MARF1: variants seen among roughly 807,000 people sequenced by gnomAD.
MARF1 encodes the protein meiosis regulator and mRNA stability factor 1, also known as limkain-b1.
Under a neutral mutation model 168.2 loss-of-function variants are expected in MARF1, and 24 were observed. That is an observed-to-expected ratio of 0.14 (90% CI 0.10 to 0.20). The LOEUF is 0.20. Among genes scored for constraint, MARF1 ranks in the 10% least tolerant of loss-of-function variants. The probability of loss-of-function intolerance (pLI) is 1.00; values close to 1 mark genes in which losing one functional copy is unlikely to be tolerated. For synonymous variants in MARF1, 868 were observed against 822.4 expected (o/e 1.06, Z -0.95); for missense variants, 1,744 against 2,143.6 (o/e 0.81, Z 3.68).
In MARF1 at chr16:15,621,566, A is replaced by G. The variant is rs1161243121; in HGVS notation, c.2639+167T>C. On this transcript the variant is annotated intron_variant, in intron 12 of 26. Transcript: ENST00000396368. ...TCCAGCTTTGATTAATGACTTAGAC[A>G]AGAGTCAAATGGCTTGTTTCTAACT... 8.7e-6 allele frequency: 6 copies of G among 691,998 alleles called. No individual in the cohort carries two copies. The East Asian group carries it at 1.7e-4, about 20-fold the overall frequency. The allele number at this position is 691,998 out of a possible 1,614,324, so 42.9% of individuals were successfully genotyped here.
intron 7 of MARF1, among the ~76,000 whole-genome samples, chr16:15,627,840 C>T (rs1222352657): frequency 6.6e-6 from 1 of 152,150 alleles, no homozygotes; most frequent in Non-Finnish European, 1.5e-5. Flanking sequence ...TAAGATGATG[C>T]TGTTTTTCAC....
intron 1 of MARF1, among the ~76,000 whole-genome samples, chr16:15,642,262 T>A (rs1298013734): frequency 6.6e-6 from 1 of 152,152 alleles, no homozygotes; most frequent in Non-Finnish European, 1.5e-5. Context: ...TTAGCTTATT[T>A]TATTATCTTT....
At chr16:15,630,628 C>T (rs138276384) in intron 6 of MARF1, 124 bp from the exon 7 acceptor site, 1 of 797,874 alleles carries the variant, frequency 1.3e-6, no homozygotes, top group Non-Finnish European at 1.8e-6. Context: ...AATTGCTTCC[C>T]CCGTTTCTTA....
At position 15,634,679 on chromosome 16, in the gene MARF1, A is replaced by AG. The variant is rs2035469397; in HGVS notation, c.1006+77dup. The AG allele has an allele frequency of 2.9e-6, 4 of 1,370,712 alleles. No homozygotes were observed. In the African/African-American group the frequency reaches 5.7e-5, roughly 20 times the overall value. The allele number at this position is 1,370,712 out of a possible 1,614,324, so 84.9% of individuals were successfully genotyped here. A position where few individuals can be genotyped will look rare whatever the true frequency, so the allele number is the denominator to read the frequency against. On this transcript the variant is annotated intron_variant, in intron 4 of 26. Transcript: ENST00000396368. ...TTTAGAACCATAAGGAATCCTTCAAAGGTGATTAAATGCAATGTTAGTATG... is the reference window on the plus strand; with the variant it reads ...TTTAGAACCATAAGGAATCCTTCAAAGGGTGATTAAATGCAATGTTAGTATG...
chr16:15,597,680 G>A (rs1394528385), intron 26 of MARF1, among the ~76,000 whole-genome samples: 1 of 152,084 alleles, frequency 6.6e-6, no homozygotes, highest in Non-Finnish European at 1.5e-5. Flanking sequence ...TCCCTGCCTA[G>A]GCTGACCCTC....
chr16:15,600,787 C>A (rs1183319871), intron 23 of MARF1, 86 bp from the exon 24 acceptor site: 3 of 1,405,148 alleles, frequency 2.1e-6, no homozygotes, highest in Non-Finnish European at 3.0e-6. Context: ...ACCTACGGAG[C>A]CTGCCTTAGG....
rs1456458541 is a variant in MARF1 at position 15,639,254 on chromosome 16, A to C, written c.-21T>G. 2 of 1,602,504 alleles carry C rather than the reference A, an allele frequency of 1.2e-6. No homozygotes were observed. Among genetic ancestry groups the C allele is most frequent in the South Asian group, 2.2e-5 (2 of 89,596 alleles). On this transcript the variant is annotated 5_prime_UTR_variant, in exon 2 of 27. The change abolishes the stop of an existing upstream ORF in the 5' untranslated region. Transcript: ENST00000396368. The stretch of plus-strand genomic sequence containing the variant: ...ATCATACAGCCATGCAAAGTGATTC[A>C]ACATCCTTTCATCTTTCTTTTCTTT...
At position 15,604,235 on chromosome 16, in the gene MARF1, A is replaced by C; in HGVS notation, c.4346T>G (p.Leu1449Arg). The C allele has an allele frequency of 6.2e-7, 1 of 1,614,180 alleles. No homozygotes were observed. The highest frequency in any genetic ancestry group is 8.5e-7 in the Non-Finnish European group (1 of 1,180,016). ...RHYESTHNTP[L>R]NPCEYGFMTL... is the part of the protein sequence containing the mutation. ...CATGAATCCATATTCACAGGGGTTA[A>C]GGGGAGTGTTGTGGGTACTTTCGTA... is the stretch of plus-strand genomic sequence containing the variant. The change falls in exon 22 of 27, where the codon CTT becomes CGT. Residue 1449 changes from leucine (L) to arginine (R), a missense_variant. Transcript: ENST00000396368.
chr16:15,624,507 G>A (rs922052903), intron 10 of MARF1, among the ~76,000 whole-genome samples: 2 of 152,138 alleles, frequency 1.3e-5, no homozygotes, highest in Non-Finnish European at 2.9e-5. Context: ...ATGCCCCCCT[G>A]CACTGGCCAG....
chr16:15,611,851 G>T, intron 17 of MARF1, 117 bp from the exon 18 acceptor site: 1 of 783,662 alleles, frequency 1.3e-6, no homozygotes, highest in Non-Finnish European at 2.0e-6. Context: ...TGTAGAATGT[G>T]TGCAATTTGA....
chr16:15,635,409 CTT>C lies in MARF1; in HGVS notation c.831+245_831+246del, dbSNP rs377624597. 5.1e-4 allele frequency: 262 copies of C among 512,618 alleles called. 2 individuals are homozygous for C. The highest frequency in any genetic ancestry group is 2.4e-3 in the South Asian group (71 of 29,338). 31.8% of individuals were successfully genotyped at this position (512,618 alleles called of 1,614,324 possible). A position where few individuals can be genotyped will look rare whatever the true frequency, so the allele number is the denominator to read the frequency against. On this transcript the variant is annotated intron_variant, in intron 3 of 26. Coordinates refer to ENST00000396368, the MANE Select transcript of MARF1 (RefSeq NM_014647.4). ...TAGAACACGAAGGCTTTGCCAACCTCTTGTTTGCAACAAGAGGCTCTAAAAGT... is the reference window on the plus strand; with the variant it reads ...TAGAACACGAAGGCTTTGCCAACCTCGTTTGCAACAAGAGGCTCTAAAAGT...
chr16:15,633,725 T>C lies in MARF1; in HGVS notation c.1125A>G (p.Gln375=), dbSNP rs746651612. Residue 375 remains glutamine, a synonymous_variant, in exon 5 of 27, where the codon CAA becomes CAG. Coordinates refer to ENST00000396368, the MANE Select transcript of MARF1 (RefSeq NM_014647.4). ...PSGRSATAVV[Q]RIREKFFKGH... ...CTTTAAAAAACTTCTCACGGATTCT[T>C]TGCACAACAGCAGTTGCTGACCGGC... 3.0e-5 allele frequency: 49 copies of C among 1,614,020 alleles called. No individual in the cohort carries two copies. The highest frequency in any genetic ancestry group is 3.3e-4 in the Middle Eastern group (2 of 6,084).
intron 3 of MARF1, 55 bp from the exon 4 acceptor site, chr16:15,634,986 C>A: frequency 6.6e-7 from 1 of 1,517,074 alleles, no homozygotes; most frequent in Non-Finnish European, 9.1e-7. Context: ...ATTTCAGAAG[C>A]TGGAGTTATA....
chr16:15,608,869 T>C, intron 20 of MARF1: 1 of 274,180 alleles, frequency 3.6e-6, no homozygotes, highest in South Asian at 6.3e-5. Flanking sequence ...AGCTTAGCAC[T>C]GATGTTACCT....
chr16:15,604,490 C>A, intron 21 of MARF1, 92 bp from the exon 22 acceptor site: 3 of 784,548 alleles, frequency 3.8e-6, no homozygotes, highest in Non-Finnish European at 6.3e-6. Flanking sequence ...GTTAATGAGA[C>A]CAACAGATGA....
At chr16:15,614,356 G>A (rs528759699) in intron 16 of MARF1, among the ~76,000 whole-genome samples, 20 of 150,024 alleles carry the variant, frequency 1.3e-4, no homozygotes, top group African/African-American at 3.4e-4. Flanking sequence ...GGTGGCAGGC[G>A]TCTGTAGTCC....
intron 15 of MARF1, among the ~76,000 whole-genome samples, chr16:15,616,506 G>A (rs2034056180): frequency 6.6e-6 from 1 of 152,114 alleles, no homozygotes; most frequent in African/African-American, 2.4e-5. Context: ...CCCTCCTCAC[G>A]TTTACGTTTC....
In MARF1 at chr16:15,600,485, G is replaced by A. The variant is rs1405553602; in HGVS notation, c.4756C>T (p.Leu1586=). Residue 1586 remains leucine (L), a synonymous_variant, in exon 25 of 27, where the codon CTG becomes TTG. Coordinates refer to ENST00000396368, the MANE Select transcript of MARF1 (RefSeq NM_014647.4). ...ENQPSEGERI[L]EVPESHTASE... is the part of the protein sequence containing the mutation. ...GCTGTGTGCGATTCGGGCACCTCCA[G>A]GATGCGCTCGCCCTCCGAGGGCTGG... 1.2e-5 allele frequency: 19 copies of A among 1,614,198 alleles called. No homozygotes were observed. Among genetic ancestry groups the A allele is most frequent in the Non-Finnish European group, 1.5e-5 (18 of 1,180,038 alleles).
chr16:15,622,713 C>T (rs569318593), intron 11 of MARF1, among the ~76,000 whole-genome samples: 12 of 152,210 alleles, frequency 7.9e-5, no homozygotes, highest in Non-Finnish European at 1.5e-4. Context: ...CTGCCTAAGA[C>T]AAGAGCTTTT....
Sources: gnomAD v4.1 joint callset for allele counts (sites outside exome capture counted in the v4.1 genomes callset) on GRCh38, gnomAD v4.1.1 for gene constraint, MANE v1.5 for transcripts, NCBI Gene and HGNC (gene_info 2026-07-23, HGNC 2026-07-21) for gene names.